CBLC: variants seen among roughly 807,000 people sequenced by gnomAD.
The protein encoded by CBLC is Cbl proto-oncogene C.
A neutral mutation model predicts 58.6 loss-of-function variants in CBLC; 46 were observed. The observed-to-expected ratio is 0.79, with a 90% CI of 0.62 to 1.00. The LOEUF is 1.00. CBLC is among the 50% of genes least tolerant of loss of function. The probability of loss-of-function intolerance (pLI) is 0.00; values close to 1 mark genes in which losing one functional copy is unlikely to be tolerated. For synonymous variants in CBLC, 271 were observed against 264.2 expected, an observed-to-expected ratio of 1.03 and a Z score of -0.25; for missense variants, 655 against 625.8, an observed-to-expected ratio of 1.05 and a Z score of -0.50.
intron 7 of CBLC, among the ~76,000 whole-genome samples, chr19:44,793,010 G>A (rs1025224193): frequency 2.0e-5 from 3 of 152,172 alleles, no homozygotes; most frequent in Admixed American, 1.3e-4. Context: ...AAATTAGACG[G>A]GTGTGGTGGT....
intron 1 of CBLC, among the ~76,000 whole-genome samples, chr19:44,780,007 G>C (rs1449461233): frequency 6.6e-6 from 1 of 152,028 alleles, no homozygotes; most frequent in Non-Finnish European, 1.5e-5. Context: ...AAATGCCAAG[G>C]CACAATTATT....
At chr19:44,799,302 A>C (rs1968239777) in intron 9 of CBLC, among the ~76,000 whole-genome samples, 2 of 152,068 alleles carry the variant, frequency 1.3e-5, no homozygotes, top group Admixed American at 6.5e-5. Flanking sequence ...CCATCACTGC[A>C]CTCCAGACGA....
intron 9 of CBLC, among the ~76,000 whole-genome samples, chr19:44,794,613 C>T (rs1480744453): frequency 6.6e-6 from 1 of 151,512 alleles, no homozygotes; most frequent in East Asian, 1.9e-4. Flanking sequence ...TACAGGCACC[C>T]ACCACCATGC....
chr19:44,780,815 C>A, intron 1 of CBLC, 90 bp from the exon 2 acceptor site: 1 of 1,358,354 alleles, frequency 7.4e-7, no homozygotes, highest in Non-Finnish European at 1.0e-6. Context: ...GAGTCCAGAG[C>A]CTTATCCCTG....
At position 44,781,301 on chromosome 19, in the gene CBLC, G is replaced by C; in HGVS notation, c.595G>C (p.Asp199His). The C allele has an allele frequency of 1.9e-6, 3 of 1,613,488 alleles. No homozygotes were observed. The highest frequency in any genetic ancestry group is 2.5e-6 in the Non-Finnish European group (3 of 1,180,010). Reference sequence around the variant, plus strand: ...AGCCCTGGCCTTGCGCACCACCATTGACCTCACCTGCAGCGGGCACGTGTC... The same window carrying C: ...AGCCCTGGCCTTGCGCACCACCATTCACCTCACCTGCAGCGGGCACGTGTC... The part of the protein sequence containing the change: ...CTALALRTTI[D>H]LTCSGHVSIF... The change falls in exon 3 of 11, where the codon GAC becomes CAC. Residue 199 changes from aspartate (D) to histidine (H), a missense_variant. Coordinates refer to ENST00000647358, the MANE Select transcript of CBLC (RefSeq NM_012116.4).
At chr19:44,785,026 C>T (rs1390548170) in intron 5 of CBLC, among the ~76,000 whole-genome samples, 1 of 118,688 alleles carries the variant, frequency 8.4e-6, no homozygotes, top group Admixed American at 1.2e-4. Flanking sequence ...GACTGGAGTG[C>T]AATGGCATGA....
At chr19:44,783,125 C>T (rs1967794017) in intron 4 of CBLC, among the ~76,000 whole-genome samples, 1 of 152,146 alleles carries the variant, frequency 6.6e-6, no homozygotes, top group Non-Finnish European at 1.5e-5. Flanking sequence ...AATCCCAGTA[C>T]TTTGGGAGGC....
chr19:44,789,409 C>CT (rs540906336), intron 5 of CBLC, among the ~76,000 whole-genome samples: 3,296 of 145,554 alleles, frequency 0.023, 110 homozygotes, highest in African/African-American at 0.075. Flanking sequence ...GAGATTTTCC[C>CT]TTTTTTTTTT....
chr19:44,790,729 T>A (rs1968025460), intron 6 of CBLC, among the ~76,000 whole-genome samples: 1 of 152,204 alleles, frequency 6.6e-6, no homozygotes, highest in Non-Finnish European at 1.5e-5. Flanking sequence ...AGCCACTGTA[T>A]CTGGCCCTAA....
intron 4 of CBLC, among the ~76,000 whole-genome samples, chr19:44,782,996 C>T (rs888419566): frequency 7.2e-5 from 11 of 152,184 alleles, no homozygotes; most frequent in East Asian, 1.9e-4. Flanking sequence ...AGGGGTAGGA[C>T]GGTGAGTGCG....
rs759339597 is a variant in CBLC at position 44,781,275 on chromosome 19, C to G, written c.569C>G (p.Thr190Arg). The G allele has an allele frequency of 6.2e-7, 1 of 1,613,760 alleles. No homozygotes were observed. The highest frequency in any genetic ancestry group is 1.1e-5 in the South Asian group (1 of 91,092). ...GTCHPVEPGCTALALRTTIDL... is the reference protein window; with the variant it reads ...GTCHPVEPGCRALALRTTIDL... ...TGCCACCCTGTGGAACCAGGCTGCA[C>G]AGCCCTGGCCTTGCGCACCACCATT... Residue 190 changes from threonine (T) to arginine (R), a missense_variant, in exon 3 of 11, where the codon ACA becomes AGA. Around this residue, in one of 3 missense-constraint regions of CBLC, gnomAD observed 371 missense variants for 370.8 expected, o/e 1.00. Transcript: ENST00000647358.
chr19:44,782,947 A>G (rs1403468664), intron 4 of CBLC, among the ~76,000 whole-genome samples: 1 of 152,132 alleles, frequency 6.6e-6, no homozygotes, highest in Admixed American at 6.6e-5. Context: ...CCAAGAGAAG[A>G]GAAGGTCAGG....
At chr19:44,793,429 G>T in intron 7 of CBLC, 45 bp from the exon 8 acceptor site, 1 of 1,538,892 alleles carries the variant, frequency 6.5e-7, no homozygotes, top group East Asian at 2.3e-5. Context: ...GGGACAGGAT[G>T]GAGAGCAGGG....
intron 5 of CBLC, among the ~76,000 whole-genome samples, chr19:44,787,968 A>C (rs1383295178): frequency 6.6e-6 from 1 of 151,900 alleles, no homozygotes; most frequent in Admixed American, 6.6e-5. Flanking sequence ...AAAAAGAAAA[A>C]AAAAATTAGT....
At chr19:44,782,058 T>A (rs1290780656) in intron 3 of CBLC, among the ~76,000 whole-genome samples, 55 of 84,902 alleles carry the variant, frequency 6.5e-4, no homozygotes, top group African/African-American at 2.2e-3. Flanking sequence ...CCTGGACTCC[T>A]GGGTCTGAGG....
intron 5 of CBLC, among the ~76,000 whole-genome samples, chr19:44,786,674 A>G (rs2122448601): frequency 6.6e-6 from 1 of 152,326 alleles, no homozygotes; most frequent in Non-Finnish European, 1.5e-5. Flanking sequence ...CATTGAACTC[A>G]CAACCAACAG....
chr19:44,788,373 G>A (rs1009894228), intron 5 of CBLC, among the ~76,000 whole-genome samples: 8 of 151,056 alleles, frequency 5.3e-5, no homozygotes, highest in East Asian at 1.9e-4. Flanking sequence ...CAATCCTCCC[G>A]CCTCAGCCTC....
At chr19:44,780,138 ATT>A (rs766135820) in intron 1 of CBLC, among the ~76,000 whole-genome samples, 4 of 140,510 alleles carry the variant, frequency 2.8e-5, no homozygotes, top group Non-Finnish European at 3.1e-5. Flanking sequence ...ATTCAGCGTA[ATT>A]TTTTTTTTTT....
intron 4 of CBLC, among the ~76,000 whole-genome samples, chr19:44,783,167 T>G (rs553687065): frequency 7.0e-4 from 107 of 152,246 alleles, no homozygotes; most frequent in Non-Finnish European, 1.1e-3. Flanking sequence ...GGTCAGGAGT[T>G]CGAGACCAGC....
Sources: gnomAD v4.1 joint callset for allele counts (sites outside exome capture counted in the v4.1 genomes callset) on GRCh38, gnomAD v4.1.1 for gene constraint, gnomAD v4.1.1 regional missense constraint, MANE v1.5 for transcripts, NCBI Gene and HGNC (gene_info 2026-07-23, HGNC 2026-07-21) for gene names.